Variants in TPD52 observed in about 807,000 individuals in gnomAD.
TPD52 encodes tumor protein D52.
In TPD52, 17 loss-of-function variants were observed where a neutral mutation model predicts 31.3. The observed-to-expected ratio is 0.54, with a 90% CI of 0.37 to 0.82. The LOEUF is 0.82. TPD52 is among the 40% of genes least tolerant of loss of function. The pLI is 0.00. For synonymous variants in TPD52, 83 were observed against 89.6 expected, an observed-to-expected ratio of 0.93 and a Z score of 0.42; for missense variants, 212 against 240.1, an observed-to-expected ratio of 0.88 and a Z score of 0.77.
chr8:80,045,151 C>T (rs995430902), intron 5 of TPD52, among the ~76,000 whole-genome samples: 3 of 152,194 alleles, frequency 2.0e-5, no homozygotes, highest in Non-Finnish European at 2.9e-5. Context: ...TCTCTCTATC[C>T]TACAATGGTG....
At chr8:80,093,709 A>T (rs544066876) in intron 1 of TPD52, among the ~76,000 whole-genome samples, 3 of 152,316 alleles carry the variant, frequency 2.0e-5, no homozygotes, top group Admixed American at 6.5e-5. Context: ...CATTAAAAAA[A>T]ATATACACTG....
At chr8:80,069,341 C>A (rs1193895491) in intron 1 of TPD52, among the ~76,000 whole-genome samples, 3 of 151,950 alleles carry the variant, frequency 2.0e-5, no homozygotes, top group Non-Finnish European at 4.4e-5. Context: ...TGGCCTGCAC[C>A]TGTAGTCCCA....
chr8:80,112,603 T>C (rs1360688525), intron 1 of TPD52, among the ~76,000 whole-genome samples: 1 of 152,196 alleles, frequency 6.6e-6, no homozygotes, highest in East Asian at 1.9e-4. Context: ...GTAGAGTTTA[T>C]TGGGCTAGTT....
chr8:80,089,310 G>A (rs1816071763), intron 1 of TPD52, among the ~76,000 whole-genome samples: 1 of 152,162 alleles, frequency 6.6e-6, no homozygotes, highest in African/African-American at 2.4e-5. Context: ...TACCCCAGCA[G>A]GAGTTGTAAA....
At chr8:80,033,598 A>G (rs972043210), downstream of TPD52, among the ~76,000 whole-genome samples, 4 of 152,198 alleles carry the variant, frequency 2.6e-5, no homozygotes, top group African/African-American at 9.6e-5. Flanking sequence ...CAAGCCAGCC[A>G]GGAACATGTT....
chr8:80,163,895 CTTA>C (rs1426945454), intron 1 of TPD52, among the ~76,000 whole-genome samples: 5 of 151,784 alleles, frequency 3.3e-5, no homozygotes, highest in Admixed American at 3.3e-4. Flanking sequence ...TGGTAAAATT[CTTA>C]TTATCAAATA....
At chr8:80,130,047 C>A (rs62516090) in intron 1 of TPD52, among the ~76,000 whole-genome samples, 25,226 of 152,110 alleles carry the variant, frequency 0.17, 3,396 homozygotes, top group African/African-American at 0.37. Flanking sequence ...TCAGCCAGGT[C>A]ACGAGTTTTA....
In TPD52 at chr8:80,118,697, C is replaced by G. The variant is rs546477059; in HGVS notation, c.19+52728G>C. Among the ~76,000 whole-genome samples, 3 of 152,306 alleles carry G rather than the reference C, an allele frequency of 2.0e-5. No homozygotes were observed. The South Asian group carries it at 6.2e-4, about 32-fold the overall frequency. On this transcript the variant is annotated intron_variant, in intron 1 of 7. Coordinates refer to ENST00000518937, the MANE Select transcript of TPD52 (RefSeq NM_001025253.3). Reference sequence around the variant, plus strand: ...AGTGATGGCCAACATCATTAGACATCAGGGAGATGCAAATCAAAACCACCT... The same window carrying G: ...AGTGATGGCCAACATCATTAGACATGAGGGAGATGCAAATCAAAACCACCT...
intron 1 of TPD52, among the ~76,000 whole-genome samples, chr8:80,083,361 G>A (rs1432400127): frequency 6.6e-6 from 1 of 152,098 alleles, no homozygotes; most frequent in Non-Finnish European, 1.5e-5. Flanking sequence ...CTTGTGATAT[G>A]GTTTGGCTCT....
chr8:80,129,421 A>G (rs2131074689), intron 1 of TPD52, among the ~76,000 whole-genome samples: 1 of 152,324 alleles, frequency 6.6e-6, no homozygotes, highest in African/African-American at 2.4e-5. Flanking sequence ...AAGCATTACA[A>G]ATCTGCTAAG....
rs1364232467 is a variant in TPD52, at chr8:80,171,473, C to A, written c.-30G>T. ...CCAGCCCGCCGCCTCGTGTCCTCTG[C>A]AGCACCCCCGCCTGCAGCCCGTCCC... On this transcript the variant is annotated 5_prime_UTR_variant, in exon 1 of 8. Transcript: ENST00000518937. 4 of 1,566,732 alleles carry A rather than the reference C, an allele frequency of 2.6e-6. No individual in the cohort carries two copies. Among genetic ancestry groups the A allele is most frequent in the Non-Finnish European group, 3.4e-6 (4 of 1,167,498 alleles).
At chr8:80,108,418 A>T (rs1015255554) in intron 1 of TPD52, among the ~76,000 whole-genome samples, 8 of 152,160 alleles carry the variant, frequency 5.3e-5, no homozygotes, top group Admixed American at 5.2e-4. Flanking sequence ...AAATAACCAG[A>T]TTTTTTTGTC....
intron 1 of TPD52, among the ~76,000 whole-genome samples, chr8:80,136,179 T>TAAAAAAAAAAAAAAAAAAAAAAAAA (rs796723826): frequency 8.2e-6 from 1 of 121,488 alleles, no homozygotes; most frequent in Non-Finnish European, 1.7e-5. Context: ...GTCTTTGAGG[T>TAAAAAAAAAAAAAAAAAAAAAAAAA]TAAAAAAAAA....
chr8:80,142,092 G>A (rs1459173562), intron 1 of TPD52, among the ~76,000 whole-genome samples: 1 of 152,076 alleles, frequency 6.6e-6, no homozygotes, highest in Non-Finnish European at 1.5e-5. Flanking sequence ...TTATGAAAAT[G>A]CTTTGGAATC....
chr8:80,054,575 C>T (rs1010818431), intron 2 of TPD52, among the ~76,000 whole-genome samples: 3 of 152,086 alleles, frequency 2.0e-5, no homozygotes, highest in East Asian at 1.9e-4. Flanking sequence ...TTTTCAGCCC[C>T]AACCTGCACG....
At position 80,053,413 on chromosome 8, in the gene TPD52, CT is replaced by C; in HGVS notation, c.152del (p.Gln51ArgfsTer7). On this transcript the variant is annotated frameshift_variant, in exon 3 of 8. Transcript: ENST00000518937. LOFTEE classifies it high-confidence loss of function. ...RELAKVEEEI[Q>X]TLSQVLAAKE... is the part of the protein sequence containing the mutation. ...TTGCTGCTAACACTTGAGACAGAGT[CT>C]GGATTTCTTCTTCTACCTATGAGGA... is the stretch of plus-strand genomic sequence containing the variant. 6.2e-7 allele frequency: 1 copy of C among 1,613,230 alleles called. No homozygotes were observed. The highest frequency in any genetic ancestry group is 8.5e-7 in the Non-Finnish European group (1 of 1,179,548).
chr8:80,135,072 G>T (rs1191311735), intron 1 of TPD52, among the ~76,000 whole-genome samples: 1 of 152,154 alleles, frequency 6.6e-6, no homozygotes, highest in East Asian at 1.9e-4. Flanking sequence ...CTGCCAGGCA[G>T]AGGTATTACA....
chr8:80,133,257 C>T (rs1185523500), intron 1 of TPD52, among the ~76,000 whole-genome samples: 2 of 152,210 alleles, frequency 1.3e-5, no homozygotes, highest in Non-Finnish European at 2.9e-5. Flanking sequence ...ATCGGCCCCT[C>T]TTCCTGGACC....
chr8:80,134,189 T>C (rs1040522734), intron 1 of TPD52, among the ~76,000 whole-genome samples: 1 of 152,232 alleles, frequency 6.6e-6, no homozygotes, highest in African/African-American at 2.4e-5. Flanking sequence ...ATGCTTACTA[T>C]GTGCCGGGTA....
Sources: allele counts gnomAD v4.1 joint callset (sites outside exome capture counted in the v4.1 genomes callset), GRCh38; gene constraint gnomAD v4.1.1; transcripts MANE v1.5; gene names NCBI Gene and HGNC (gene_info 2026-07-23, HGNC 2026-07-21).